The following DCLK1 variants were observed in gnomAD, a reference collection of about 807,000 sequenced individuals.
The protein encoded by DCLK1 is serine/threonine-protein kinase DCLK1.
In DCLK1, 16 loss-of-function variants were observed where a neutral mutation model predicts 86.2. The ratio of observed to expected loss-of-function variants is 0.19; its 90% CI spans 0.13 to 0.28. The LOEUF is 0.28. DCLK1 is among the 10% of genes least tolerant of loss of function. The pLI, the probability that DCLK1 is intolerant of heterozygous loss-of-function variation, is 1.00. For synonymous variants in DCLK1, 369 were observed against 370.5 expected, an observed-to-expected ratio of 1.00 and a Z score of 0.05; for missense variants, 590 against 940.2, an observed-to-expected ratio of 0.63 and a Z score of 4.87.
intron 4 of DCLK1, among the ~76,000 whole-genome samples, chr13:35,874,803 G>C (rs1339141522): frequency 6.6e-6 from 1 of 152,218 alleles, no homozygotes; most frequent in Non-Finnish European, 1.5e-5. Context: ...ACGTGCCAAG[G>C]AGATCTCAGA....
chr13:35,922,004 T>C (rs1875831228), intron 4 of DCLK1, among the ~76,000 whole-genome samples: 1 of 152,158 alleles, frequency 6.6e-6, no homozygotes, highest in Non-Finnish European at 1.5e-5. Flanking sequence ...AAGTGCTCCA[T>C]ACAGCCTCAT....
chr13:35,852,088 A>G (rs993553726), intron 6 of DCLK1, among the ~76,000 whole-genome samples: 1 of 152,182 alleles, frequency 6.6e-6, no homozygotes, highest in African/African-American at 2.4e-5. Context: ...GAAGGAAAAA[A>G]TAGAAGTAGC....
chr13:35,984,261 G>T (rs574058627), intron 3 of DCLK1, among the ~76,000 whole-genome samples: 1 of 152,280 alleles, frequency 6.6e-6, no homozygotes, highest in South Asian at 2.1e-4. Context: ...TTAATAAAAC[G>T]GAATCCTCTG....
At chr13:35,800,979 C>A in intron 15 of DCLK1, among the ~76,000 whole-genome samples, 1 of 151,902 alleles carries the variant, frequency 6.6e-6, no homozygotes, top group Non-Finnish European at 1.5e-5. Context: ...CTGCCACGGC[C>A]TCCCAGAGTG....
intron 11 of DCLK1, among the ~76,000 whole-genome samples, chr13:35,812,599 A>AGC (rs1348995466): frequency 1.3e-5 from 2 of 152,258 alleles, no homozygotes; most frequent in Non-Finnish European, 2.9e-5. Context: ...CTGCAATATC[A>AGC]GCAATGATCA....
At chr13:35,860,177 G>A (rs1353700514) in intron 5 of DCLK1, among the ~76,000 whole-genome samples, 1 of 152,138 alleles carries the variant, frequency 6.6e-6, no homozygotes, top group East Asian at 1.9e-4. Context: ...ATTCAGGCAC[G>A]CTGCCAGGGA....
chr13:35,889,514 G>T (rs1270098792), intron 4 of DCLK1, among the ~76,000 whole-genome samples: 1 of 151,928 alleles, frequency 6.6e-6, no homozygotes, highest in Admixed American at 6.6e-5. Flanking sequence ...TCTTTGTTTG[G>T]AGTCAGCTAA....
At chr13:36,109,361 C>A (rs1166771238) in intron 3 of DCLK1, among the ~76,000 whole-genome samples, 1 of 152,228 alleles carries the variant, frequency 6.6e-6, no homozygotes, top group African/African-American at 2.4e-5. Context: ...TTTCTCAATA[C>A]ATTTACATCA....
In DCLK1 at chr13:35,871,350, G is replaced by C. The variant is rs773895195; in HGVS notation, c.824-10C>G. On this transcript the variant is annotated splice_polypyrimidine_tract_variant and intron_variant, in intron 4 of 16. Transcript: ENST00000360631. ...TTTACCACTCGACATTCTGGGGAAA[G>C]AACAAAAACCACACATCATTATGGG... 3.1e-6 allele frequency: 5 copies of C among 1,607,434 alleles called. No individual in the cohort carries two copies. In the Admixed American group the frequency reaches 8.4e-5, roughly 27 times the overall value.
In DCLK1 at chr13:35,836,116, A is replaced by G; in HGVS notation, c.1146T>C (p.Ile382=). ...TATATCGTTCTGTTATTGTAGCTGG[A>G]ATCTGGAAGCCTTCCTCCGACACTT... ...GEEVSEEGFQ[I]PATITERYKV... Residue 382 remains isoleucine, a synonymous_variant, in exon 8 of 17, where the codon ATT becomes ATC. Coordinates refer to ENST00000360631, the MANE Select transcript of DCLK1 (RefSeq NM_001330071.2). The G allele has an allele frequency of 1.9e-6, 3 of 1,612,608 alleles. No homozygotes were observed. Among genetic ancestry groups the G allele is most frequent in the Non-Finnish European group, 1.7e-6 (2 of 1,179,698 alleles).
chr13:36,076,926 T>C (rs1884234287), intron 3 of DCLK1, among the ~76,000 whole-genome samples: 1 of 152,232 alleles, frequency 6.6e-6, no homozygotes, highest in African/African-American at 2.4e-5. Context: ...ATATCAAATG[T>C]ATCATGTAAC....
At chr13:36,041,064 G>C (rs1882686397) in intron 3 of DCLK1, among the ~76,000 whole-genome samples, 1 of 152,034 alleles carries the variant, frequency 6.6e-6, no homozygotes, top group Non-Finnish European at 1.5e-5. Flanking sequence ...CCTTTCATTG[G>C]AGAATGGTAT....
At chr13:36,124,135 C>T (rs1380541262) in intron 2 of DCLK1, among the ~76,000 whole-genome samples, 3 of 152,150 alleles carry the variant, frequency 2.0e-5, no homozygotes, top group East Asian at 1.9e-4. Flanking sequence ...ACAGTACTAC[C>T]GGCCCTCAGA....
At chr13:36,130,641 C>G (rs948025204) in intron 1 of DCLK1, among the ~76,000 whole-genome samples, 26 of 152,144 alleles carry the variant, frequency 1.7e-4, no homozygotes, top group African/African-American at 6.0e-4. Flanking sequence ...CACCACCACG[C>G]ACGAATCGAC....
At chr13:35,980,722 T>C (rs979728172) in intron 3 of DCLK1, among the ~76,000 whole-genome samples, 2 of 152,186 alleles carry the variant, frequency 1.3e-5, no homozygotes, top group African/African-American at 2.4e-5. Flanking sequence ...TAGATTCTCC[T>C]AAGGAGTATG....
intron 6 of DCLK1, among the ~76,000 whole-genome samples, chr13:35,841,038 A>C (rs1330418149): frequency 1.3e-5 from 2 of 152,182 alleles, no homozygotes; most frequent in African/African-American, 2.4e-5. Flanking sequence ...AAAAGCACTA[A>C]GTAAATGTCT....
chr13:35,938,402 G>A (rs1175191141), intron 4 of DCLK1, among the ~76,000 whole-genome samples: 1 of 152,100 alleles, frequency 6.6e-6, no homozygotes, highest in African/African-American at 2.4e-5. Context: ...GGCCAAAGCG[G>A]GTGGATCACG....
chr13:36,116,804 A>G (rs1885807890), intron 2 of DCLK1, among the ~76,000 whole-genome samples: 1 of 152,326 alleles, frequency 6.6e-6, no homozygotes, highest in African/African-American at 2.4e-5. Context: ...TCTAGGAAAA[A>G]CTCAAATATG....
At chr13:35,825,342 G>C (rs1489838571) in intron 10 of DCLK1, among the ~76,000 whole-genome samples, 2 of 152,158 alleles carry the variant, frequency 1.3e-5, no homozygotes, top group Non-Finnish European at 2.9e-5. Context: ...CGAAGGGTAT[G>C]GTCTTGCAGC....
Sources: gnomAD v4.1 joint callset for allele counts (sites outside exome capture counted in the v4.1 genomes callset) on GRCh38, gnomAD v4.1.1 for gene constraint, MANE v1.5 for transcripts, NCBI Gene and HGNC (gene_info 2026-07-23, HGNC 2026-07-21) for gene names.